RIMS3: variants seen among roughly 807,000 people sequenced by gnomAD.
RIMS3 encodes the protein regulating synaptic membrane exocytosis 3.
Under a neutral mutation model 29.2 loss-of-function variants are expected in RIMS3, and 15 were observed. That is an observed-to-expected ratio of 0.51 (90% CI 0.34 to 0.79). RIMS3 has a LOEUF of 0.79. RIMS3 is among the 30% of genes least tolerant of loss of function. RIMS3 has a pLI of 0.01. For missense variants in RIMS3, 342 were observed against 421.4 expected (o/e 0.81, Z 1.65); for synonymous variants, 161 against 170.1 (o/e 0.95, Z 0.41).
intron 2 of RIMS3, among the ~76,000 whole-genome samples, chr1:40,645,755 AC>A (rs1028721523): frequency 1.3e-4 from 20 of 152,238 alleles, no homozygotes; most frequent in Middle Eastern, 3.4e-3. Context: ...AAAATTCCTG[AC>A]CCTGCCAACC....
At position 40,636,571 on chromosome 1, in the gene RIMS3, T is replaced by C. The variant is rs1277898287; in HGVS notation, c.218-514A>G. Among the ~76,000 whole-genome samples, 1 of 152,108 alleles carries C rather than the reference T, an allele frequency of 6.6e-6. No homozygotes were observed. Among genetic ancestry groups the C allele is most frequent in the East Asian group, 1.9e-4 (1 of 5,180 alleles). On this transcript the variant is annotated intron_variant, in intron 3 of 7. Coordinates refer to ENST00000372684, the MANE Select transcript of RIMS3 (RefSeq NM_014747.3). The surrounding 1 kb of genome is among the most constrained non-coding windows in gnomAD (Gnocchi z 4.2). Reference sequence around the variant, plus strand: ...TGGAGGCTCTATAGGAAAGCCCCCATGGGAAGCCTGGCCACTCTCAAACAA... The same window carrying C: ...TGGAGGCTCTATAGGAAAGCCCCCACGGGAAGCCTGGCCACTCTCAAACAA...
the RIMS3 span, among the ~76,000 whole-genome samples, chr1:40,682,250 T>C: frequency 1.3e-5 from 2 of 152,190 alleles, no homozygotes; most frequent in Admixed American, 1.3e-4. Context: ...TAGGTACCTA[T>C]TGTTAATTAA....
At chr1:40,647,021 C>T (rs1434317898) in intron 2 of RIMS3, among the ~76,000 whole-genome samples, 1 of 152,096 alleles carries the variant, frequency 6.6e-6, no homozygotes, top group African/African-American at 2.4e-5. Flanking sequence ...GCTGGGACTA[C>T]AGGCGCCCAC....
At chr1:40,669,906 G>T (rs1402440152), upstream of RIMS3, among the ~76,000 whole-genome samples, 1 of 152,184 alleles carries the variant, frequency 6.6e-6, no homozygotes, top group Non-Finnish European at 1.5e-5. Context: ...AGTCCCTCCT[G>T]ATTCCTTCCT....
At chr1:40,689,117 T>A in the RIMS3 span, among the ~76,000 whole-genome samples, 1 of 152,226 alleles carries the variant, frequency 6.6e-6, no homozygotes, top group Non-Finnish European at 1.5e-5. Flanking sequence ...TCACACAACA[T>A]TACAGGTTAT....
chr1:40,659,715 C>A (rs758771875), intron 1 of RIMS3, among the ~76,000 whole-genome samples: 8 of 152,136 alleles, frequency 5.3e-5, no homozygotes, highest in East Asian at 1.9e-4. Context: ...GGCTTCCCTG[C>A]GGAAATGACG....
the RIMS3 span, chr1:40,690,296 C>T: frequency 1.2e-4 from 19 of 152,316 alleles, no homozygotes; most frequent in African/African-American, 4.6e-4. Flanking sequence ...ACAATCTCAA[C>T]ATACTATTCT....
chr1:40,675,294 G>GA, the RIMS3 span, among the ~76,000 whole-genome samples: 6 of 151,022 alleles, frequency 4.0e-5, no homozygotes, highest in African/African-American at 1.5e-4. Context: ...AAAAAGGAAA[G>GA]AAATTGTCAG....
chr1:40,636,173 G>T lies in RIMS3; in HGVS notation c.218-116C>A. The T allele has an allele frequency of 7.5e-7, 1 of 1,336,216 alleles. No homozygotes were observed. Among genetic ancestry groups the T allele is most frequent in the Non-Finnish European group, 1.0e-6 (1 of 962,560 alleles). 82.8% of individuals were successfully genotyped at this position (1,336,216 alleles called of 1,614,324 possible). Reference sequence around the variant, plus strand: ...GGCATGGGGGGTTGATGGGGAGGATGAGCAGGGCTCTGACTGGAGGCAGGG... The same window carrying T: ...GGCATGGGGGGTTGATGGGGAGGATTAGCAGGGCTCTGACTGGAGGCAGGG... On this transcript the variant is annotated intron_variant, in intron 3 of 7. Coordinates refer to ENST00000372684, the MANE Select transcript of RIMS3 (RefSeq NM_014747.3). The surrounding 1 kb of genome is among the most constrained non-coding windows in gnomAD (Gnocchi z 4.2).
Position 40,636,901 on chromosome 1 carries a change from G to A in RIMS3, c.218-844C>T, listed in dbSNP as rs575193266. ...CTGGGTTTCCATGGCAACCTCCTCGGCATTGCAGTGTGGTCCCTCTAGACA... is the reference window on the plus strand; with the variant it reads ...CTGGGTTTCCATGGCAACCTCCTCGACATTGCAGTGTGGTCCCTCTAGACA... On this transcript the variant is annotated intron_variant, in intron 3 of 7. Transcript: ENST00000372684. This position sits in a 1 kb window ranked among gnomAD's most constrained non-coding sequence, Gnocchi z 4.2. Among the ~76,000 whole-genome samples, 249 of 152,308 alleles carry A rather than the reference G, an allele frequency of 1.6e-3. No homozygotes were observed. Among genetic ancestry groups the A allele is most frequent in the African/African-American group, 5.9e-3 (247 of 41,580 alleles).
chr1:40,670,574 TTATATATATA>T (rs553412097), upstream of RIMS3, among the ~76,000 whole-genome samples: 156 of 71,194 alleles, frequency 2.2e-3, 10 homozygotes, highest in African/African-American at 6.0e-3. Flanking sequence ...AGTTATAATT[TTATATATATA>T]TATATATATA....
At chr1:40,630,320 G>C (rs1454430242) in intron 5 of RIMS3, among the ~76,000 whole-genome samples, 1 of 152,172 alleles carries the variant, frequency 6.6e-6, no homozygotes, top group African/African-American at 2.4e-5. Flanking sequence ...TCAGTTACCT[G>C]ATTTCTAGGA....
chr1:40,683,158 ACATGCTGCAGACAATATTC>A, the RIMS3 span, among the ~76,000 whole-genome samples: 6 of 152,220 alleles, frequency 3.9e-5, no homozygotes, highest in African/African-American at 1.4e-4. Context: ...ACTTCAAAGC[ACATGCTGCAGACAATATTC>A]CATGCTGCTT....
At chr1:40,673,885 G>A in the RIMS3 span, among the ~76,000 whole-genome samples, 2 of 152,182 alleles carry the variant, frequency 1.3e-5, no homozygotes, top group Non-Finnish European at 2.9e-5. Context: ...GTGAAATGTG[G>A]TGCTGGCATC....
intron 1 of RIMS3, among the ~76,000 whole-genome samples, chr1:40,657,273 T>C (rs925437663): frequency 6.6e-6 from 1 of 152,138 alleles, no homozygotes; most frequent in Admixed American, 6.5e-5. Flanking sequence ...TGTTCCACAG[T>C]TGGCAGCCCT....
chr1:40,670,642 G>A (rs1642482669), upstream of RIMS3, among the ~76,000 whole-genome samples: 1 of 129,924 alleles, frequency 7.7e-6, no homozygotes, highest in South Asian at 2.5e-4. Flanking sequence ...TACCCAGGAG[G>A]CAGTGGCGTG....
the RIMS3 span, chr1:40,691,801 C>T: frequency 6.7e-6 from 3 of 449,038 alleles, no homozygotes; most frequent in Non-Finnish European, 1.3e-5. Flanking sequence ...GCGCCTGGGC[C>T]TCTGCATTGC....
At chr1:40,646,674 C>G (rs530686981) in intron 2 of RIMS3, among the ~76,000 whole-genome samples, 35 of 152,142 alleles carry the variant, frequency 2.3e-4, no homozygotes, top group Non-Finnish European at 1.5e-5. Flanking sequence ...TGCCAAAACT[C>G]CATGCCAAAA....
At position 40,624,703 on chromosome 1, in the gene RIMS3, G is replaced by A. The variant is rs1646442868; in HGVS notation, c.*1814C>T. ...TTCTTGGGAGGTGTTATAAGACTCT[G>A]GCTTCAACGTAACACAGAACCATGC... On this transcript the variant is annotated 3_prime_UTR_variant, in exon 8 of 8. Coordinates refer to ENST00000372684, the MANE Select transcript of RIMS3 (RefSeq NM_014747.3). The A allele has an allele frequency of 6.6e-6, 1 of 152,664 alleles. No individual in the cohort carries two copies. The highest frequency in any genetic ancestry group is 6.5e-5 in the Admixed American group (1 of 15,278). 9.5% of individuals were successfully genotyped at this position (152,664 alleles called of 1,614,324 possible).
Sources: gnomAD v4.1 joint callset for allele counts (sites outside exome capture counted in the v4.1 genomes callset) on GRCh38, gnomAD v4.1.1 for gene constraint, Gnocchi (gnomAD v3.1) non-coding constraint, MANE v1.5 for transcripts, NCBI Gene and HGNC (gene_info 2026-07-23, HGNC 2026-07-21) for gene names.